AKAP14: variants seen among roughly 807,000 people sequenced by gnomAD.
AKAP14 encodes the protein A-kinase anchor protein 14.
AKAP14 carries 4 observed loss-of-function variants against 17.0 expected under a neutral mutation model. That is an observed-to-expected ratio of 0.23 (90% confidence interval 0.12 to 0.54). AKAP14 has a LOEUF of 0.54. AKAP14 is among the 20% of genes least tolerant of loss of function. The pLI is 0.95. For missense variants in AKAP14, 129 were observed against 150.9 expected, an observed-to-expected ratio of 0.85 and a Z score of 0.76; for synonymous variants, 42 against 51.3, an observed-to-expected ratio of 0.82 and a Z score of 0.77.
intron 5 of AKAP14, among the ~76,000 whole-genome samples, chrX:119,918,460 G>T (rs942240676): frequency 1.4e-4 from 16 of 111,808 alleles, no homozygotes; most frequent in African/African-American, 4.5e-4. Flanking sequence ...TGGAACTCCT[G>T]ACCTGAGGTG....
chrX:119,900,513 G>T (rs796533565), intron 2 of AKAP14, among the ~76,000 whole-genome samples: 1 of 111,311 alleles, frequency 9.0e-6, no homozygotes, highest in East Asian at 2.8e-4. Context: ...GATTACAGGC[G>T]TGTGCCACCG....
intron 2 of AKAP14, among the ~76,000 whole-genome samples, chrX:119,897,366 A>G (rs770538078): frequency 6.3e-4 from 68 of 107,513 alleles, no homozygotes; most frequent in East Asian, 1.2e-3. Context: ...TCACTGTGTT[A>G]GCCAGGATGG....
intron 4 of AKAP14, among the ~76,000 whole-genome samples, chrX:119,907,667 C>T (rs1172279175): frequency 9.1e-6 from 1 of 109,312 alleles, no homozygotes. Flanking sequence ...CTTTGTTGCT[C>T]AGGCTGGTCT....
Position 119,898,464 on chromosome X carries a change from T to C in AKAP14, c.-11+2197T>C, listed in dbSNP as rs961315364. 3.6e-5 allele frequency among the ~76,000 whole-genome samples: 4 copies of C among 112,013 alleles called. No homozygotes were observed. In the Admixed American group the frequency reaches 3.8e-4, roughly 11 times the overall value. On this transcript the variant is annotated intron_variant, in intron 2 of 6. Transcript: ENST00000371431. ...GCCTTTTGCAGTATCTACTACCCCCTGGGATCAATGATGATGTCAAGAAAG... is the reference window on the plus strand; with the variant it reads ...GCCTTTTGCAGTATCTACTACCCCCCGGGATCAATGATGATGTCAAGAAAG...
At chrX:119,913,198 T>C (rs1036137847) in intron 4 of AKAP14, among the ~76,000 whole-genome samples, 10 of 110,960 alleles carry the variant, frequency 9.0e-5, no homozygotes, top group Non-Finnish European at 1.9e-4. Flanking sequence ...AGGGGGAAGC[T>C]TCTCCAAGGG....
intron 4 of AKAP14, among the ~76,000 whole-genome samples, chrX:119,912,091 C>T (rs985583344): frequency 3.6e-5 from 4 of 109,784 alleles, no homozygotes; most frequent in South Asian, 3.9e-4. Flanking sequence ...CCACCACGCC[C>T]GGCTCATTTT....
chrX:119,910,810 G>A (rs763572825), intron 4 of AKAP14, among the ~76,000 whole-genome samples: 25 of 108,939 alleles, frequency 2.3e-4, no homozygotes, highest in African/African-American at 8.0e-4. Context: ...TTACAGGCAT[G>A]CACCACCACG....
In AKAP14 at chrX:119,908,300, A is replaced by AAAG. The variant is rs1556398869; in HGVS notation, c.261+4718_261+4720dup. Among the ~76,000 whole-genome samples, 21 of 103,503 alleles carry AAAG rather than the reference A, an allele frequency of 2.0e-4. 2 individuals carry two copies. The highest frequency in any genetic ancestry group is 4.6e-4 in the African/African-American group (13 of 28,511). The allele number at this position is 103,503 out of a possible 115,157, so 89.9% of individuals were successfully genotyped here. A position where few individuals can be genotyped will look rare whatever the true frequency, so the allele number is the denominator to read the frequency against. ...AGACTCTGTCAAAAAAAAAAAAAAA[A>AAAG]AAGAAGGATGGTATAGGATGGTATA... On this transcript the variant is annotated intron_variant, in intron 4 of 6. Transcript: ENST00000371431.
intron 2 of AKAP14, among the ~76,000 whole-genome samples, chrX:119,900,339 C>T (rs985466349): frequency 8.9e-6 from 1 of 111,997 alleles, no homozygotes; most frequent in Admixed American, 9.5e-5. Context: ...GTGATCCACC[C>T]GCCTCGGCCT....
chrX:119,919,673 C>T (rs1466297575), intron 5 of AKAP14: 1 of 299,558 alleles, frequency 3.3e-6, no homozygotes, highest in Non-Finnish European at 5.8e-6. Context: ...AGGTAAAACT[C>T]CGTCTCTACT....
intron 5 of AKAP14, among the ~76,000 whole-genome samples, chrX:119,917,601 A>G (rs184985603): frequency 9.5e-6 from 1 of 105,787 alleles, no homozygotes; most frequent in African/African-American, 3.5e-5. Context: ...GCGAAACACC[A>G]TTTCAAAAAA....
At chrX:119,914,467 C>T (rs997796750) in intron 4 of AKAP14, among the ~76,000 whole-genome samples, 6 of 109,612 alleles carry the variant, frequency 5.5e-5, no homozygotes, top group African/African-American at 9.9e-5. Context: ...ATTACAGGTG[C>T]GTGCCACCAT....
intron 2 of AKAP14, among the ~76,000 whole-genome samples, chrX:119,897,290 G>T (rs2056535020): frequency 9.1e-6 from 1 of 109,886 alleles, no homozygotes; most frequent in African/African-American, 3.3e-5. Flanking sequence ...CCCCCAAGTA[G>T]CTGGGACTAC....
In AKAP14 at chrX:119,914,761, T is replaced by G. The variant is rs756283968; in HGVS notation, c.324T>G (p.Ile108Met). ...AGTTTGTAGAGAGGAAAGACTTAAT[T>G]CACAGCTTCCTCTACATCTACTATG... ...GVEFVERKDL[I>M]HSFLYIYYVH... Residue 108 changes from isoleucine (I) to methionine (M), a missense_variant, in exon 5 of 7, where the codon ATT (isoleucine) becomes ATG (methionine). Ile to Met is a conservative substitution (Grantham distance 10). Transcript: ENST00000371431. The G allele has an allele frequency of 8.3e-7, 1 of 1,210,712 alleles. No individual in the cohort carries two copies.
intron 4 of AKAP14, among the ~76,000 whole-genome samples, chrX:119,912,547 T>G: frequency 9.1e-6 from 1 of 109,612 alleles, no homozygotes; most frequent in East Asian, 2.9e-4. Flanking sequence ...TTTTTTTTTT[T>G]TGAGATGGAA....
intron 4 of AKAP14, among the ~76,000 whole-genome samples, chrX:119,904,879 C>T (rs2056588398): frequency 1.0e-5 from 1 of 96,942 alleles, no homozygotes; most frequent in Non-Finnish European, 2.0e-5. Context: ...AGCAAGACTC[C>T]GTCTCAAAAA....
intron 4 of AKAP14, chrX:119,903,804 T>C (rs1238060557): frequency 5.6e-6 from 2 of 359,085 alleles, no homozygotes; most frequent in Non-Finnish European, 7.2e-6. Context: ...CCTGTGTCTG[T>C]ATCATTCTAA....
At chrX:119,916,476 CT>C (rs1461092512) in intron 5 of AKAP14, among the ~76,000 whole-genome samples, 1 of 106,081 alleles carries the variant, frequency 9.4e-6, no homozygotes, top group Non-Finnish European at 2.0e-5. Flanking sequence ...ATCTATCTAT[CT>C]ATCTATCATC....
chrX:119,901,011 C>T (rs2056562499), intron 2 of AKAP14, among the ~76,000 whole-genome samples: 1 of 112,117 alleles, frequency 8.9e-6, no homozygotes, highest in South Asian at 3.7e-4. Context: ...GCCCTAGTAA[C>T]ACAAATTTTC....
Sources: allele counts gnomAD v4.1 joint callset (sites outside exome capture counted in the v4.1 genomes callset), GRCh38; gene constraint gnomAD v4.1.1; transcripts MANE v1.5; gene names NCBI Gene and HGNC (gene_info 2026-07-23, HGNC 2026-07-21).